Variants in GNA14 observed in about 807,000 individuals in gnomAD.
The protein encoded by GNA14 is G protein subunit alpha 14.
A neutral mutation model predicts 42.0 loss-of-function variants in GNA14; 50 were observed. The ratio of observed to expected loss-of-function variants is 1.19; its 90% CI spans 0.95 to 1.51. The LOEUF (loss-of-function observed/expected upper bound fraction) is 1.51. Among genes scored for constraint, GNA14 ranks in the 40% most tolerant of loss-of-function variants. GNA14 has a pLI of 0.00. For synonymous variants in GNA14, 173 were observed against 163.1 expected (o/e 1.06, Z -0.46); for missense variants, 473 against 446.2 (o/e 1.06, Z -0.54).
intron 2 of GNA14, among the ~76,000 whole-genome samples, chr9:77,436,132 G>T (rs565856169): frequency 6.6e-6 from 1 of 152,276 alleles, no homozygotes; most frequent in South Asian, 2.1e-4. Flanking sequence ...TGAATGAATC[G>T]ATGTGACTTT....
At chr9:77,549,497 A>G (rs548374432) in intron 1 of GNA14, among the ~76,000 whole-genome samples, 1 of 152,170 alleles carries the variant, frequency 6.6e-6, no homozygotes, top group East Asian at 1.9e-4. Context: ...AGGGCCAGCC[A>G]TTTTCCCTTA....
At chr9:77,481,355 G>A (rs138717912) in intron 2 of GNA14, among the ~76,000 whole-genome samples, 3,925 of 152,214 alleles carry the variant, frequency 0.026, 167 homozygotes, top group African/African-American at 0.088. Flanking sequence ...GTAGTTGAGC[G>A]GTTTTAAGTG....
At chr9:77,584,773 G>A (rs1335690842) in intron 1 of GNA14, among the ~76,000 whole-genome samples, 1 of 150,106 alleles carries the variant, frequency 6.7e-6, no homozygotes, top group African/African-American at 2.5e-5. Flanking sequence ...AGGGCTGCTG[G>A]TTGCCAATTT....
At chr9:77,486,903 G>A (rs1836669726) in intron 2 of GNA14, among the ~76,000 whole-genome samples, 1 of 151,870 alleles carries the variant, frequency 6.6e-6, no homozygotes, top group Non-Finnish European at 1.5e-5. Flanking sequence ...GAAAAGGTTT[G>A]AAATATTGGG....
intron 1 of GNA14, among the ~76,000 whole-genome samples, chr9:77,587,956 C>T (rs374054021): frequency 6.6e-6 from 1 of 152,154 alleles, no homozygotes; most frequent in East Asian, 1.9e-4. Context: ...CTACTAAAGG[C>T]CATCTGCCTT....
intron 2 of GNA14, among the ~76,000 whole-genome samples, chr9:77,447,339 A>C (rs1835837792): frequency 6.6e-6 from 1 of 152,206 alleles, no homozygotes; most frequent in African/African-American, 2.4e-5. Flanking sequence ...CCCGTTTCTC[A>C]GACCCAAACT....
chr9:77,559,956 C>A (rs1822851000), intron 1 of GNA14, among the ~76,000 whole-genome samples: 1 of 152,116 alleles, frequency 6.6e-6, no homozygotes, highest in Non-Finnish European at 1.5e-5. Flanking sequence ...TGGCTTTAGA[C>A]CAGAAGTTGA....
chr9:77,493,024 AAAATAT>A (rs1836808108), intron 2 of GNA14, among the ~76,000 whole-genome samples: 1 of 73,484 alleles, frequency 1.4e-5, no homozygotes, highest in African/African-American at 6.6e-5. Context: ...AAAAAAAAAA[AAAATAT>A]ATATATATAT....
chr9:77,589,517 GC>G (rs1823357211), intron 1 of GNA14, among the ~76,000 whole-genome samples: 1 of 152,130 alleles, frequency 6.6e-6, no homozygotes, highest in African/African-American at 2.4e-5. Context: ...ATTCTCAAAA[GC>G]CATCGTATGA....
chr9:77,622,350 G>A (rs894190421), intron 1 of GNA14, among the ~76,000 whole-genome samples: 35 of 152,258 alleles, frequency 2.3e-4, no homozygotes, highest in African/African-American at 8.2e-4. Context: ...AATATTGGTC[G>A]TGAGGCAGCT....
chr9:77,459,404 C>G (rs1024631639), intron 2 of GNA14, among the ~76,000 whole-genome samples: 1 of 152,160 alleles, frequency 6.6e-6, no homozygotes, highest in African/African-American at 2.4e-5. Flanking sequence ...CCAGTGCCCT[C>G]CTGCCTGGGT....
chr9:77,527,036 C>T (rs1049486234), intron 2 of GNA14, among the ~76,000 whole-genome samples: 1 of 152,212 alleles, frequency 6.6e-6, no homozygotes, highest in Non-Finnish European at 1.5e-5. Context: ...GTGGCTTACA[C>T]AGGAGCCTTT....
At chr9:77,451,630 C>T (rs1395089083) in intron 2 of GNA14, among the ~76,000 whole-genome samples, 2 of 152,152 alleles carry the variant, frequency 1.3e-5, no homozygotes, top group South Asian at 2.1e-4. Context: ...GATAATATTG[C>T]CCCAAACTTT....
intron 1 of GNA14, among the ~76,000 whole-genome samples, chr9:77,642,256 A>T (rs1168872637): frequency 6.6e-6 from 1 of 152,196 alleles, no homozygotes; most frequent in African/African-American, 2.4e-5. Flanking sequence ...ACAGAAGAAG[A>T]GGTACGTGCA....
In GNA14 at chr9:77,601,930, A is replaced by C. The variant is rs140224726; in HGVS notation, c.124+45740T>G. Among the ~76,000 whole-genome samples, 19 of 152,280 alleles carry C rather than the reference A, an allele frequency of 1.2e-4. No homozygotes were observed. In the East Asian group the frequency reaches 2.1e-3, roughly 17 times the overall value. On this transcript the variant is annotated intron_variant, in intron 1 of 6. Transcript: ENST00000341700. ...TTCCCAGTGACTCATCTATCAGGGG[A>C]TGCAAACTGATAGCCAATTAAACCT...
chr9:77,525,909 TAAA>T (rs202169762), intron 2 of GNA14, among the ~76,000 whole-genome samples: 13,296 of 141,396 alleles, frequency 0.094, 2,060 homozygotes, highest in African/African-American at 0.32. Flanking sequence ...GGACTTTTTT[TAAA>T]AAAAAAAAAA....
intron 2 of GNA14, among the ~76,000 whole-genome samples, chr9:77,501,883 G>A (rs1376270947): frequency 6.6e-6 from 1 of 151,814 alleles, no homozygotes; most frequent in Non-Finnish European, 1.5e-5. Context: ...GCTAGTTTAT[G>A]TATTTTTAGT....
At chr9:77,463,261 C>T (rs1442130396) in intron 2 of GNA14, among the ~76,000 whole-genome samples, 1 of 152,180 alleles carries the variant, frequency 6.6e-6, no homozygotes, top group Admixed American at 6.5e-5. Flanking sequence ...GTCGCCATCA[C>T]AATCAGATGC....
intron 2 of GNA14, among the ~76,000 whole-genome samples, chr9:77,468,615 GGT>G: frequency 6.6e-6 from 1 of 152,254 alleles, no homozygotes; most frequent in Admixed American, 6.5e-5. Flanking sequence ...TCTTGAAGTT[GGT>G]GTGACTGTGA....
Sources: allele counts gnomAD v4.1 joint callset (sites outside exome capture counted in the v4.1 genomes callset), GRCh38; gene constraint gnomAD v4.1.1; transcripts MANE v1.5; gene names NCBI Gene and HGNC (gene_info 2026-07-23, HGNC 2026-07-21).